The following MAP3K20 variants were observed in gnomAD, a reference collection of about 807,000 sequenced individuals.
MAP3K20 encodes mitogen-activated protein kinase kinase kinase 20.
A neutral mutation model predicts 85.7 loss-of-function variants in MAP3K20; 40 were observed. That is an observed-to-expected ratio of 0.47 (90% CI 0.36 to 0.61). The LOEUF is 0.61. MAP3K20 is among the 20% of genes least tolerant of loss of function. The pLI, the probability that MAP3K20 is intolerant of heterozygous loss-of-function variation, is 0.00. For synonymous variants in MAP3K20, 325 were observed against 327.7 expected (o/e 0.99, Z 0.09); for missense variants, 817 against 961.7 (o/e 0.85, Z 1.99).
chr2:173,257,338 G>A (rs1403293098), intron 16 of MAP3K20, among the ~76,000 whole-genome samples: 2 of 152,120 alleles, frequency 1.3e-5, no homozygotes, highest in Non-Finnish European at 2.9e-5. Flanking sequence ...GTCCCCATCT[G>A]CTGAAGCAAG....
rs146940979 is a variant in MAP3K20 at position 173,148,391 on chromosome 2, A to G, written c.160-21414A>G. On this transcript the variant is annotated intron_variant, in intron 2 of 19. Transcript: ENST00000375213. ...AGAGGTAGGCTGTTTCATGGCTTTC[A>G]GTCTAGGTTAAGTGCCAGAACATGT... is the stretch of plus-strand genomic sequence containing the variant. 2.0e-3 allele frequency among the ~76,000 whole-genome samples: 302 copies of G among 152,280 alleles called. 2 individuals are homozygous for G. The highest frequency in any genetic ancestry group is 6.9e-3 in the African/African-American group (286 of 41,546).
chr2:173,085,089 A>G (rs1418560352), intron 1 of MAP3K20, among the ~76,000 whole-genome samples: 1 of 152,206 alleles, frequency 6.6e-6, no homozygotes, highest in Non-Finnish European at 1.5e-5. Context: ...GAAATTTTTT[A>G]TTTATGCATC....
chr2:173,118,599 T>C (rs1375287290), intron 2 of MAP3K20, among the ~76,000 whole-genome samples: 1 of 152,190 alleles, frequency 6.6e-6, no homozygotes, highest in Non-Finnish European at 1.5e-5. Context: ...AAGGCCTTGT[T>C]CTGAGTACCA....
intron 2 of MAP3K20, among the ~76,000 whole-genome samples, chr2:173,144,462 C>CAAA (rs71018537): frequency 5.0e-4 from 46 of 92,846 alleles, no homozygotes; most frequent in East Asian, 1.5e-3. Flanking sequence ...GACTCCGTCT[C>CAAA]AAAAAAAAAA....
intron 4 of MAP3K20, among the ~76,000 whole-genome samples, chr2:173,185,456 G>T (rs1342618752): frequency 4.0e-5 from 6 of 151,846 alleles, no homozygotes; most frequent in Non-Finnish European, 7.4e-5. Flanking sequence ...AAAAATCAAG[G>T]CTTTAGGAAT....
chr2:173,078,786 T>A (rs1416578297), intron 1 of MAP3K20, among the ~76,000 whole-genome samples: 3 of 152,088 alleles, frequency 2.0e-5, no homozygotes, highest in African/African-American at 7.2e-5. Flanking sequence ...ATAGTTTAAA[T>A]AGGGTAAACA....
intron 10 of MAP3K20, among the ~76,000 whole-genome samples, chr2:173,215,147 G>A (rs2106312380): frequency 6.6e-6 from 1 of 152,272 alleles, no homozygotes; most frequent in African/African-American, 2.4e-5. Flanking sequence ...AGAATGTAGT[G>A]GCCATTTACC....
At chr2:173,230,465 T>A (rs767382255) in intron 12 of MAP3K20, among the ~76,000 whole-genome samples, 14 of 152,180 alleles carry the variant, frequency 9.2e-5, no homozygotes, top group Non-Finnish European at 1.9e-4. Context: ...GGCATCATAT[T>A]TGCCAGCCTT....
chr2:173,242,647 T>G (rs1160057362), intron 16 of MAP3K20, among the ~76,000 whole-genome samples: 1 of 151,192 alleles, frequency 6.6e-6, no homozygotes, highest in African/African-American at 2.4e-5. Flanking sequence ...CTAAAGTTGC[T>G]GCAGGTTTTG....
At chr2:173,082,618 C>T (rs1402788857) in intron 1 of MAP3K20, among the ~76,000 whole-genome samples, 1 of 152,198 alleles carries the variant, frequency 6.6e-6, no homozygotes, top group Non-Finnish European at 1.5e-5. Flanking sequence ...GCCTTGTTTA[C>T]TCATAGGCTA....
At chr2:173,244,621 C>A (rs1179943964) in intron 16 of MAP3K20, among the ~76,000 whole-genome samples, 1 of 152,174 alleles carries the variant, frequency 6.6e-6, no homozygotes, top group Non-Finnish European at 1.5e-5. Flanking sequence ...TCACACCTGA[C>A]CCACAACATT....
At chr2:173,217,062 C>T (rs6710789) in intron 10 of MAP3K20, 53 bp from the exon 11 acceptor site, 54,557 of 1,378,626 alleles carry the variant, frequency 0.04, 1,195 homozygotes, top group Admixed American at 0.054. Context: ...ACCCACTAAG[C>T]GCTTGATGTC....
At chr2:173,190,967 G>A in intron 6 of MAP3K20, 44 bp downstream of exon 6, 1 of 1,608,116 alleles carries the variant, frequency 6.2e-7, no homozygotes, top group Non-Finnish European at 8.5e-7. Context: ...AATTTCAGAT[G>A]TAGATTTTTG....
chr2:173,252,465 C>T (rs530633384), intron 16 of MAP3K20, among the ~76,000 whole-genome samples: 3 of 152,306 alleles, frequency 2.0e-5, no homozygotes, highest in South Asian at 2.1e-4. Flanking sequence ...AGCAGATAAA[C>T]ATGCATATTC....
chr2:173,242,699 CTTTTTTTT>C (rs68173816), intron 16 of MAP3K20, among the ~76,000 whole-genome samples: 1 of 80,968 alleles, frequency 1.2e-5, no homozygotes, highest in African/African-American at 4.9e-5. Flanking sequence ...AGTAATCTTT[CTTTTTTTT>C]TTTTTTTTTT....
intron 16 of MAP3K20, among the ~76,000 whole-genome samples, chr2:173,251,071 G>A (rs1278805270): frequency 6.6e-6 from 1 of 152,120 alleles, no homozygotes; most frequent in Non-Finnish European, 1.5e-5. Context: ...AGCCTTCAGA[G>A]GCCTAAATTG....
At chr2:173,143,056 A>C (rs969165479) in intron 2 of MAP3K20, among the ~76,000 whole-genome samples, 3 of 152,146 alleles carry the variant, frequency 2.0e-5, no homozygotes, top group Admixed American at 2.0e-4. Context: ...ACAAAAAAAT[A>C]AAACAAGACC....
At chr2:173,199,820 G>A (rs1690985519) in intron 8 of MAP3K20, among the ~76,000 whole-genome samples, 1 of 152,130 alleles carries the variant, frequency 6.6e-6, no homozygotes, top group Non-Finnish European at 1.5e-5. Context: ...TGGAGTATCC[G>A]TGAAGGATTT....
intron 2 of MAP3K20, among the ~76,000 whole-genome samples, chr2:173,128,587 C>T (rs1386484329): frequency 6.6e-6 from 1 of 152,028 alleles, no homozygotes; most frequent in African/African-American, 2.4e-5. Context: ...TCGCCTCAGG[C>T]CCCCAAAGTG....
Sources: allele counts gnomAD v4.1 joint callset (sites outside exome capture counted in the v4.1 genomes callset), GRCh38; gene constraint gnomAD v4.1.1; transcripts MANE v1.5; gene names NCBI Gene and HGNC (gene_info 2026-07-23, HGNC 2026-07-21).